The following SFSWAP variants were observed in gnomAD, a reference collection of about 807,000 sequenced individuals.
The protein encoded by SFSWAP is splicing factor, suppressor of white-apricot homolog.
Under a neutral mutation model 100.7 loss-of-function variants are expected in SFSWAP, and 17 were observed. The observed-to-expected ratio is 0.17, with a 90% CI of 0.12 to 0.25. The LOEUF is 0.25. SFSWAP is among the 10% of genes least tolerant of loss of function. The probability of loss-of-function intolerance (pLI) is 1.00; values close to 1 mark genes in which losing one functional copy is unlikely to be tolerated. For missense variants in SFSWAP, 1,005 were observed against 1,262.6 expected (o/e 0.80, Z 3.09); for synonymous variants, 504 against 510.1 (o/e 0.99, Z 0.16).
Position 131,754,518 on chromosome 12 carries a change from T to C in SFSWAP, c.1454+19T>C, listed in dbSNP as rs200928891. On this transcript the variant is annotated intron_variant, in intron 9 of 17. Transcript: ENST00000261674. Reference sequence around the variant, plus strand: ...ATCAAAGGTCAGAAGAAGAATTTTATATGTTAGGTATATGGCATTTGGGGG... The same window carrying C: ...ATCAAAGGTCAGAAGAAGAATTTTACATGTTAGGTATATGGCATTTGGGGG... The C allele has an allele frequency of 1.3e-6, 2 of 1,538,310 alleles. No homozygotes were observed. The highest frequency in any genetic ancestry group is 2.5e-5 in the East Asian group (1 of 40,414).
At chr12:131,789,479 G>A (rs535477291) in intron 15 of SFSWAP, among the ~76,000 whole-genome samples, 5 of 152,232 alleles carry the variant, frequency 3.3e-5, no homozygotes, top group African/African-American at 4.8e-5. Context: ...GGCTGTGATC[G>A]TGCCTGTGAA....
rs1341269355 is a variant in SFSWAP at position 131,755,391 on chromosome 12, AGTTCCT to A, written c.1462_1467del (p.Phe488_Leu489del). 1 of 1,612,624 alleles carries A rather than the reference AGTTCCT, an allele frequency of 6.2e-7. No homozygotes were observed. The highest frequency in any genetic ancestry group is 1.3e-5 in the African/African-American group (1 of 74,866). ...TTCTTTCTTTTTCTGCTCAGATTTG[AGTTCCT>A]GCAGCCGTGGCACCAGTATAATGCT... On this transcript the variant is annotated inframe_deletion, in exon 10 of 18. Coordinates refer to ENST00000261674, the MANE Select transcript of SFSWAP (RefSeq NM_004592.4).
In SFSWAP at chr12:131,753,424, C is replaced by T. The variant is rs187205034; in HGVS notation, c.1322+61C>T. Reference sequence around the variant, plus strand: ...TCACTCAGCACTGCAGTCACTGGGGCCGTCTGTGTCTCCATGGGGGGCTTG... The same window carrying T: ...TCACTCAGCACTGCAGTCACTGGGGTCGTCTGTGTCTCCATGGGGGGCTTG... On this transcript the variant is annotated intron_variant, in intron 8 of 17. Transcript: ENST00000261674. The T allele has an allele frequency of 1.3e-4, 202 of 1,539,140 alleles. No individual in the cohort carries two copies. The African/African-American group carries it at 2.5e-3, about 19-fold the overall frequency.
chr12:131,797,006 A>G lies in SFSWAP; in HGVS notation c.2535-172A>G, dbSNP rs116424241. ...AAATGGGGACGCGTCATCTGTTATCAGTTAAATGAAATAAGTAGCTTTAAG... is the reference window on the plus strand; with the variant it reads ...AAATGGGGACGCGTCATCTGTTATCGGTTAAATGAAATAAGTAGCTTTAAG... On this transcript the variant is annotated intron_variant, in intron 15 of 17. Coordinates refer to ENST00000261674, the MANE Select transcript of SFSWAP (RefSeq NM_004592.4). The G allele has an allele frequency of 6.0e-3, 3,726 of 624,754 alleles. 92 individuals are homozygous for G. Among genetic ancestry groups the G allele is most frequent in the African/African-American group, 0.052 (2,861 of 55,058 alleles). 38.7% of individuals were successfully genotyped at this position (624,754 alleles called of 1,614,324 possible).
At position 131,799,327 on chromosome 12, in the gene SFSWAP, C is replaced by T. The variant is rs894563569; in HGVS notation, c.2791-96C>T. On this transcript the variant is annotated intron_variant, in intron 17 of 17. Coordinates refer to ENST00000261674, the MANE Select transcript of SFSWAP (RefSeq NM_004592.4). ...GCCGCCCCCACGGTGCTAGCACCGTCTGGTCTTGACCACCAACTCGTTGAT... is the reference window on the plus strand; with the variant it reads ...GCCGCCCCCACGGTGCTAGCACCGTTTGGTCTTGACCACCAACTCGTTGAT... The T allele has an allele frequency of 1.4e-5, 18 of 1,332,738 alleles. No homozygotes were observed. The Admixed American group carries it at 2.6e-4, about 19-fold the overall frequency. 82.6% of individuals were successfully genotyped at this position (1,332,738 alleles called of 1,614,324 possible). A position where few individuals can be genotyped will look rare whatever the true frequency, so the allele number is the denominator to read the frequency against.
chr12:131,740,858 G>T (rs978033678), intron 7 of SFSWAP, among the ~76,000 whole-genome samples: 10 of 152,040 alleles, frequency 6.6e-5, no homozygotes, highest in Admixed American at 2.0e-4. Context: ...CTGTCCCTGG[G>T]GTGTGGAGGC....
rs1199812800 is a variant in SFSWAP, at chr12:131,777,952, G to T, written c.2143-113G>T. 1.1e-5 allele frequency: 17 copies of T among 1,492,180 alleles called. No homozygotes were observed. The Admixed American group carries it at 2.2e-4, about 19-fold the overall frequency. 92.4% of individuals were successfully genotyped at this position (1,492,180 alleles called of 1,614,324 possible). A position where few individuals can be genotyped will look rare whatever the true frequency, so the allele number is the denominator to read the frequency against. On this transcript the variant is annotated intron_variant, in intron 13 of 17. Transcript: ENST00000261674. ...ATAGCCACAGGAGGAGACTTTCTAA[G>T]AGATGGTTGCTGTGTTTGTTGGTGT...
chr12:131,756,178 T>C (rs1272860964), intron 10 of SFSWAP, among the ~76,000 whole-genome samples: 1 of 152,160 alleles, frequency 6.6e-6, no homozygotes, highest in Non-Finnish European at 1.5e-5. Context: ...TTTTAAAGAA[T>C]TCTGAGTAAT....
At chr12:131,767,246 C>CGCA (rs1466837134) in intron 13 of SFSWAP, among the ~76,000 whole-genome samples, 1 of 152,256 alleles carries the variant, frequency 6.6e-6, no homozygotes, top group Non-Finnish European at 1.5e-5. Flanking sequence ...ACATGCCTTC[C>CGCA]GCAGCAGCAG....
At chr12:131,774,016 G>A (rs917843280) in intron 13 of SFSWAP, among the ~76,000 whole-genome samples, 1 of 152,222 alleles carries the variant, frequency 6.6e-6, no homozygotes, top group African/African-American at 2.4e-5. Flanking sequence ...AGGCAGAACC[G>A]GAATGACAAT....
chr12:131,727,909 C>T (rs1441150623), intron 6 of SFSWAP, among the ~76,000 whole-genome samples: 1 of 152,104 alleles, frequency 6.6e-6, no homozygotes, highest in Non-Finnish European at 1.5e-5. Context: ...TGTGGGTGAC[C>T]TTTTGTGGGA....
At chr12:131,771,860 AC>A (rs1247855355) in intron 13 of SFSWAP, among the ~76,000 whole-genome samples, 2 of 151,900 alleles carry the variant, frequency 1.3e-5, no homozygotes, top group African/African-American at 2.4e-5. Flanking sequence ...ACAGGGTTTC[AC>A]CATGTTGGCC....
At chr12:131,797,812 G>A (rs540746645) in intron 16 of SFSWAP, among the ~76,000 whole-genome samples, 8 of 152,372 alleles carry the variant, frequency 5.3e-5, no homozygotes, top group South Asian at 2.1e-4. Flanking sequence ...AGACGTGGGC[G>A]TCCCAGTCCC....
At chr12:131,750,557 G>C (rs1566026244) in intron 7 of SFSWAP, among the ~76,000 whole-genome samples, 1 of 152,222 alleles carries the variant, frequency 6.6e-6, no homozygotes, top group Non-Finnish European at 1.5e-5. Context: ...TCAAGGGTGT[G>C]CCCAGAGCAT....
At chr12:131,754,345 T>G in intron 8 of SFSWAP, 23 bp from the exon 9 acceptor site, 1 of 1,485,958 alleles carries the variant, frequency 6.7e-7, no homozygotes, top group Non-Finnish European at 9.0e-7. Context: ...AGCCCAGGGG[T>G]CTCACAGACT....
intron 13 of SFSWAP, among the ~76,000 whole-genome samples, chr12:131,768,685 AT>A (rs1450371857): frequency 1.3e-5 from 2 of 152,054 alleles, no homozygotes; most frequent in African/African-American, 4.8e-5. Flanking sequence ...AGAAACGAAC[AT>A]TTTCAGGCAA....
chr12:131,774,119 C>T lies in SFSWAP; in HGVS notation c.2143-3946C>T, dbSNP rs892096399. Among the ~76,000 whole-genome samples the T allele has an allele frequency of 6.6e-5, 10 of 152,288 alleles. No individual in the cohort carries two copies. The East Asian group carries it at 1.5e-3, about 24-fold the overall frequency. On this transcript the variant is annotated intron_variant, in intron 13 of 17. Coordinates refer to ENST00000261674, the MANE Select transcript of SFSWAP (RefSeq NM_004592.4). ...CCGCATTTCCGCTGAGACAGTGTGG[C>T]TGCGGGGCACGGGGCGCTGGAGCAG...
intron 14 of SFSWAP, among the ~76,000 whole-genome samples, chr12:131,779,032 C>T (rs1165331525): frequency 6.6e-6 from 1 of 151,080 alleles, no homozygotes; most frequent in African/African-American, 2.4e-5. Context: ...CAGGAGAACT[C>T]TTTAGCACTG....
At position 131,711,117 on chromosome 12, in the gene SFSWAP, T is replaced by C; in HGVS notation, c.-113T>C. 1 of 813,886 alleles carries C rather than the reference T, an allele frequency of 1.2e-6. No homozygotes were observed. The highest frequency in any genetic ancestry group is 1.9e-6 in the Non-Finnish European group (1 of 534,704). The allele number at this position is 813,886 out of a possible 1,614,324, so 50.4% of individuals were successfully genotyped here. A position where few individuals can be genotyped will look rare whatever the true frequency, so the allele number is the denominator to read the frequency against. On this transcript the variant is annotated 5_prime_UTR_variant, in exon 1 of 18. Transcript: ENST00000261674. The surrounding 1 kb of genome is among the most constrained non-coding windows in gnomAD (Gnocchi z 4.9). ...TTTGTGGCCCGCTATGGCGGCGGTG[T>C]TGAGGTTGGGTACGGGATGCGGGGT...
Sources: allele counts gnomAD v4.1 joint callset (sites outside exome capture counted in the v4.1 genomes callset), GRCh38; gene constraint gnomAD v4.1.1; non-coding constraint Gnocchi (gnomAD v3.1); transcripts MANE v1.5; gene names NCBI Gene and HGNC (gene_info 2026-07-23, HGNC 2026-07-21).